FMO1: variants seen among roughly 807,000 people sequenced by gnomAD.
FMO1 encodes flavin containing dimethylaniline monoxygenase 1, also known as flavin-containing monooxygenase 1.
FMO1 carries 36 observed loss-of-function variants against 45.4 expected under a neutral mutation model. The observed-to-expected ratio is 0.79, with a 90% CI of 0.61 to 1.05. The LOEUF (loss-of-function observed/expected upper bound fraction) is 1.05, where lower values mean the gene tolerates loss of function less well. FMO1 is among the 50% of genes least tolerant of loss of function. FMO1 has a pLI of 0.00. For synonymous variants in FMO1, 228 were observed against 227.2 expected, an observed-to-expected ratio of 1.00 and a Z score of -0.03; for missense variants, 615 against 640.3, an observed-to-expected ratio of 0.96 and a Z score of 0.43.
rs1373999675 is a variant in FMO1, at chr1:171,283,170, G to T, written c.1210G>T (p.Val404Phe). The T allele has an allele frequency of 3.2e-6, 5 of 1,540,138 alleles. No homozygotes were observed. In the East Asian group the frequency reaches 1.2e-4, roughly 38 times the overall value. ...TGTAAATAAGTTACCACCACCAAGT[G>T]TCATGATAGAGGAAATTAATGCAAG... ...KGVNKLPPPS[V>F]MIEEINARKE... is the part of the protein sequence containing the mutation. Residue 404 changes from valine (V) to phenylalanine (F), a missense_variant, in exon 8 of 9, where the codon GTC (valine) becomes TTC (phenylalanine). Transcript: ENST00000617670.
intron 1 of FMO1, among the ~76,000 whole-genome samples, chr1:171,252,687 G>A (rs1476984661): frequency 6.6e-6 from 1 of 152,202 alleles, no homozygotes; most frequent in Non-Finnish European, 1.5e-5. Context: ...GGGGCCTGTG[G>A]CAGCTGCCAC....
At chr1:171,253,283 CTG>C (rs1471893775) in intron 1 of FMO1, among the ~76,000 whole-genome samples, 1 of 152,120 alleles carries the variant, frequency 6.6e-6, no homozygotes, top group African/African-American at 2.4e-5. Context: ...TCCAGATATA[CTG>C]TGACTTTGTC....
intron 7 of FMO1, chr1:171,282,569 A>T: frequency 2.4e-6 from 1 of 414,958 alleles, no homozygotes; most frequent in Non-Finnish European, 4.3e-6. Flanking sequence ...AAAATATAAC[A>T]GTTGACATAG....
chr1:171,257,163 G>T (rs1006008328), intron 1 of FMO1, among the ~76,000 whole-genome samples: 1 of 152,162 alleles, frequency 6.6e-6, no homozygotes, highest in Non-Finnish European at 1.5e-5. Context: ...TATTTGTGAT[G>T]CACAGAAGGG....
intron 1 of FMO1, among the ~76,000 whole-genome samples, chr1:171,256,132 GC>G (rs894828407): frequency 1.4e-4 from 21 of 151,918 alleles, no homozygotes; most frequent in Non-Finnish European, 2.8e-4. Flanking sequence ...AATTAGCCAG[GC>G]ATGGTGGCGG....
rs1414041361 is a variant in FMO1 at position 171,258,067 on chromosome 1, A to T, written c.-6-15A>T. ...AGCTTGTGAATAAAAAGCCTGCTTC[A>T]TCTTCCTCATGCAGGAGAACATGGC... On this transcript the variant is annotated splice_polypyrimidine_tract_variant and intron_variant, in intron 1 of 8. Coordinates refer to ENST00000617670, the MANE Select transcript of FMO1 (RefSeq NM_001282693.2). The T allele has an allele frequency of 6.2e-7, 1 of 1,613,864 alleles. No individual in the cohort carries two copies. The highest frequency in any genetic ancestry group is 2.2e-5 in the East Asian group (1 of 44,876).
intron 1 of FMO1, among the ~76,000 whole-genome samples, chr1:171,255,803 C>T (rs1393252877): frequency 6.6e-6 from 1 of 152,188 alleles, no homozygotes. Flanking sequence ...TGCTGTCCTG[C>T]TGTGGGCACT....
chr1:171,264,301 T>C (rs1490373529), intron 2 of FMO1, among the ~76,000 whole-genome samples: 1 of 150,480 alleles, frequency 6.6e-6, no homozygotes. Flanking sequence ...CAAAATGCTT[T>C]AAAATTTTTA....
chr1:171,283,899 C>G (rs563061299), intron 8 of FMO1, among the ~76,000 whole-genome samples: 47 of 152,240 alleles, frequency 3.1e-4, no homozygotes, highest in Middle Eastern at 3.4e-3. Context: ...AAAGCCTGAA[C>G]ATTTACTGTC....
At chr1:171,270,576 G>A (rs1189656513) in intron 3 of FMO1, 3 of 983,898 alleles carry the variant, frequency 3.0e-6, no homozygotes, top group Non-Finnish European at 3.6e-6. Context: ...TGCAATTACA[G>A]AGTGGTATTC....
chr1:171,274,824 T>A (rs1268429678), intron 3 of FMO1, among the ~76,000 whole-genome samples: 1 of 152,210 alleles, frequency 6.6e-6, no homozygotes, highest in Non-Finnish European at 1.5e-5. Context: ...TTCTTTGAAA[T>A]GTGGACTACT....
chr1:171,271,035 CT>C, intron 3 of FMO1: 1 of 1,005,198 alleles, frequency 9.9e-7, no homozygotes, highest in Non-Finnish European at 1.5e-6. Flanking sequence ...CCTCCTCTTC[CT>C]TCTTTTTCTT....
chr1:171,258,689 C>T (rs984111723), intron 2 of FMO1, among the ~76,000 whole-genome samples: 1 of 152,204 alleles, frequency 6.6e-6, no homozygotes, highest in African/African-American at 2.4e-5. Context: ...GGATGAGCTC[C>T]ATAATCAAGG....
In FMO1 at chr1:171,278,764, C is replaced by T. The variant is rs372785457; in HGVS notation, c.520C>T (p.Arg174Trp). ...CTTTAAAGGCCAGTACTTTCATAGC[C>T]GGCAATATAAGCATCCAGATATATT... ...NAFKGQYFHS[R>W]QYKHPDIFKD... The change falls in exon 5 of 9, where the codon CGG (arginine) becomes TGG (tryptophan). Residue 174 changes from arginine (R) to tryptophan (W), a missense_variant. Arg to Trp is a moderately radical substitution (Grantham distance 101). Transcript: ENST00000617670. 1.5e-5 allele frequency: 24 copies of T among 1,609,426 alleles called. No homozygotes were observed. Among genetic ancestry groups the T allele is most frequent in the African/African-American group, 8.0e-5 (6 of 74,756 alleles).
chr1:171,269,889 A>C (rs1347996589), intron 3 of FMO1, among the ~76,000 whole-genome samples: 7 of 152,236 alleles, frequency 4.6e-5, no homozygotes, highest in Non-Finnish European at 8.8e-5. Context: ...AGCTGGCCCA[A>C]TTAATTAAAA....
Position 171,278,880 on chromosome 1 carries a change from C to T in FMO1, c.627+9C>T, listed in dbSNP as rs766862433. On this transcript the variant is annotated intron_variant, in intron 5 of 8. Transcript: ENST00000617670. ...GCCACCTGGCGGAAAAGGTACATTC[C>T]TGATGTTACTGGGTGAAGAGCTTTA... 1.0e-5 allele frequency: 16 copies of T among 1,595,760 alleles called. No individual in the cohort carries two copies. Among genetic ancestry groups the T allele is most frequent in the Non-Finnish European group, 1.2e-5 (14 of 1,169,298 alleles).
chr1:171,258,310 G>A, intron 2 of FMO1, 91 bp downstream of exon 2: 1 of 1,484,546 alleles, frequency 6.7e-7, no homozygotes, highest in Non-Finnish European at 9.2e-7. Context: ...AAGGGTTGGT[G>A]GCCTTGAGGA....
intron 8 of FMO1, among the ~76,000 whole-genome samples, chr1:171,283,882 G>A (rs1661501539): frequency 6.6e-6 from 1 of 152,106 alleles, no homozygotes; most frequent in Admixed American, 6.5e-5. Context: ...ACTGTAATGT[G>A]GCTCTCAAAG....
chr1:171,254,589 T>C (rs867474846), intron 1 of FMO1, among the ~76,000 whole-genome samples: 6 of 151,738 alleles, frequency 4.0e-5, no homozygotes, highest in Middle Eastern at 3.4e-3. Context: ...AGAAGACTAA[T>C]AGACATGATC....
Sources: allele counts gnomAD v4.1 joint callset (sites outside exome capture counted in the v4.1 genomes callset), GRCh38; gene constraint gnomAD v4.1.1; transcripts MANE v1.5; gene names NCBI Gene and HGNC (gene_info 2026-07-23, HGNC 2026-07-21).